Variants in DPYD observed in about 807,000 individuals in gnomAD.
The protein encoded by DPYD is dihydropyrimidine dehydrogenase.
Under a neutral mutation model 116.2 loss-of-function variants are expected in DPYD, and 109 were observed. That is an observed-to-expected ratio of 0.94 (90% CI 0.80 to 1.10). DPYD has a LOEUF of 1.10. DPYD is among the 50% of genes least tolerant of loss of function. The pLI, the probability that DPYD is intolerant of heterozygous loss-of-function variation, is 0.00. For missense variants in DPYD, 1,302 were observed against 1,254.5 expected, an observed-to-expected ratio of 1.04 and a Z score of -0.57; for synonymous variants, 440 against 432.0, an observed-to-expected ratio of 1.02 and a Z score of -0.23.
intron 15 of DPYD, among the ~76,000 whole-genome samples, chr1:97,377,841 A>T (rs182033054): frequency 1.3e-5 from 2 of 152,302 alleles, no homozygotes; most frequent in Admixed American, 1.3e-4. Flanking sequence ...AGCGGAGCAG[A>T]GCCAGAAGGA....
intron 20 of DPYD, among the ~76,000 whole-genome samples, chr1:97,106,591 C>T (rs952625048): frequency 2.0e-5 from 3 of 152,116 alleles, no homozygotes; most frequent in Non-Finnish European, 4.4e-5. Flanking sequence ...TTATAGCACT[C>T]GCCCAGCCAT....
At chr1:97,258,247 A>T (rs537799729) in intron 18 of DPYD, among the ~76,000 whole-genome samples, 1 of 152,178 alleles carries the variant, frequency 6.6e-6, no homozygotes, top group East Asian at 1.9e-4. Context: ...GCTCTGACTG[A>T]CCCCAAGAAA....
At chr1:97,770,024 G>A (rs1289418988) in intron 3 of DPYD, among the ~76,000 whole-genome samples, 1 of 152,142 alleles carries the variant, frequency 6.6e-6, no homozygotes, top group Non-Finnish European at 1.5e-5. Flanking sequence ...AAGCCTGAAT[G>A]ATATTAAAAA....
At chr1:97,341,663 G>A (rs6684671) in intron 16 of DPYD, among the ~76,000 whole-genome samples, 3 of 152,042 alleles carry the variant, frequency 2.0e-5, no homozygotes, top group African/African-American at 4.8e-5. Context: ...AGATAATCAC[G>A]AAGACCTGGT....
At chr1:97,657,568 C>A (rs115432073) in intron 8 of DPYD, among the ~76,000 whole-genome samples, 1,884 of 152,150 alleles carry the variant, frequency 0.012, 36 homozygotes, top group African/African-American at 0.043. Flanking sequence ...CATTCTCTTG[C>A]CATTACTGAC....
At chr1:97,374,367 A>G (rs1464662118) in intron 15 of DPYD, among the ~76,000 whole-genome samples, 5 of 152,166 alleles carry the variant, frequency 3.3e-5, no homozygotes, top group African/African-American at 1.2e-4. Context: ...TACTTTGAGA[A>G]TCTTAGAATT....
chr1:97,120,172 T>G (rs1409072189), intron 20 of DPYD, among the ~76,000 whole-genome samples: 1 of 152,228 alleles, frequency 6.6e-6, no homozygotes, highest in Non-Finnish European at 1.5e-5. Context: ...CCTTTCTTCA[T>G]ATAAGTTTGT....
chr1:97,257,950 G>C (rs1663613571), intron 18 of DPYD, among the ~76,000 whole-genome samples: 1 of 152,024 alleles, frequency 6.6e-6, no homozygotes. Flanking sequence ...TTGTCTAGTT[G>C]GGTCATCTTT....
intron 3 of DPYD, among the ~76,000 whole-genome samples, chr1:97,751,335 T>C (rs972773401): frequency 2.0e-5 from 3 of 146,888 alleles, no homozygotes; most frequent in Admixed American, 6.9e-5. Flanking sequence ...TACACACACA[T>C]ATATCTATAC....
chr1:97,331,924 G>A (rs1043934832), intron 16 of DPYD, among the ~76,000 whole-genome samples: 1 of 152,074 alleles, frequency 6.6e-6, no homozygotes, highest in Non-Finnish European at 1.5e-5. Flanking sequence ...GAGTATTAAC[G>A]GGATATTCTC....
chr1:97,295,715 G>A (rs952126018), intron 18 of DPYD: 1 of 968,594 alleles, frequency 1.0e-6, no homozygotes, highest in Non-Finnish European at 1.2e-6. Flanking sequence ...CCATGTGTGA[G>A]CCATCGCTCT....
chr1:97,501,662 C>T (rs1220714959), intron 13 of DPYD, among the ~76,000 whole-genome samples: 1 of 151,994 alleles, frequency 6.6e-6, no homozygotes, highest in East Asian at 1.9e-4. Context: ...AGTGAATCTA[C>T]ACTCCAGCCT....
intron 8 of DPYD, among the ~76,000 whole-genome samples, chr1:97,648,691 C>T (rs1658407809): frequency 6.6e-6 from 1 of 151,884 alleles, no homozygotes; most frequent in African/African-American, 2.4e-5. Flanking sequence ...TTGTTTTATG[C>T]CAGGCATTAT....
intron 1 of DPYD, among the ~76,000 whole-genome samples, chr1:97,918,486 A>T (rs1674339410): frequency 6.6e-6 from 1 of 152,198 alleles, no homozygotes; most frequent in African/African-American, 2.4e-5. Context: ...CAAGTAACAC[A>T]TCCTTTCCTT....
chr1:97,273,924 C>T (rs1222930694), intron 18 of DPYD, among the ~76,000 whole-genome samples: 1 of 152,142 alleles, frequency 6.6e-6, no homozygotes. Flanking sequence ...CACAAGCCAT[C>T]ATTTCAATTT....
Position 97,595,118 on chromosome 1 carries a change from T to C in DPYD, c.899A>G (p.Asp300Gly). Residue 300 changes from aspartate to glycine, a missense_variant, in exon 9 of 23, where the codon GAC becomes GGC. Transcript: ENST00000370192. ...GTCTTTGGATGTATAAAACCCCTGG[T>C]CCTGCGTCAGGCCTTGGAAGATGGC... ...KDAIFQGLTQ[D>G]QGFYTSKDFL... is the part of the protein sequence containing the mutation. 2 of 1,613,774 alleles carry C rather than the reference T, an allele frequency of 1.2e-6. No individual in the cohort carries two copies. The highest frequency in any genetic ancestry group is 8.5e-7 in the Non-Finnish European group (1 of 1,179,708).
chr1:97,350,170 G>A (rs1670069752), intron 16 of DPYD, among the ~76,000 whole-genome samples: 1 of 152,022 alleles, frequency 6.6e-6, no homozygotes, highest in Non-Finnish European at 1.5e-5. Flanking sequence ...GAAGCCATGG[G>A]AAAATTGAAA....
intron 12 of DPYD, among the ~76,000 whole-genome samples, chr1:97,543,782 T>G (rs1194429400): frequency 6.6e-6 from 1 of 152,228 alleles, no homozygotes; most frequent in Non-Finnish European, 1.5e-5. Flanking sequence ...ATGTAATAGA[T>G]GAATACTTTA....
At chr1:97,122,792 T>C (rs1355415672) in intron 20 of DPYD, among the ~76,000 whole-genome samples, 1 of 152,164 alleles carries the variant, frequency 6.6e-6, no homozygotes, top group African/African-American at 2.4e-5. Context: ...GAAACTCTTC[T>C]CTTTACTCCT....
Sources: gnomAD v4.1 joint callset for allele counts (sites outside exome capture counted in the v4.1 genomes callset) on GRCh38, gnomAD v4.1.1 for gene constraint, MANE v1.5 for transcripts, NCBI Gene and HGNC (gene_info 2026-07-23, HGNC 2026-07-21) for gene names.